Variants in VAV3 observed in about 807,000 individuals in gnomAD.
VAV3 encodes vav guanine nucleotide exchange factor 3, also known as guanine nucleotide exchange factor VAV3.
A neutral mutation model predicts 131.2 loss-of-function variants in VAV3; 94 were observed. The ratio of observed to expected loss-of-function variants is 0.72; its 90% CI spans 0.61 to 0.85. The LOEUF is 0.85. VAV3 is among the 40% of genes least tolerant of loss of function. The probability of loss-of-function intolerance (pLI) is 0.00; values close to 1 mark genes in which losing one functional copy is unlikely to be tolerated. For synonymous variants in VAV3, 349 were observed against 342.0 expected, an observed-to-expected ratio of 1.02 and a Z score of -0.22; for missense variants, 939 against 1,002.7, an observed-to-expected ratio of 0.94 and a Z score of 0.86.
At chr1:107,944,250 T>C (rs1674140428) in intron 1 of VAV3, among the ~76,000 whole-genome samples, 1 of 152,224 alleles carries the variant, frequency 6.6e-6, no homozygotes, top group East Asian at 1.9e-4. Context: ...CCCCATGTGG[T>C]AAGCCTCTCC....
At chr1:107,870,844 C>T (rs1034324324) in intron 2 of VAV3, among the ~76,000 whole-genome samples, 3 of 152,116 alleles carry the variant, frequency 2.0e-5, no homozygotes, top group Admixed American at 6.6e-5. Context: ...GAAAACATAT[C>T]ACTTTACACT....
chr1:107,941,493 C>G (rs1023998893), intron 1 of VAV3, among the ~76,000 whole-genome samples: 1 of 152,166 alleles, frequency 6.6e-6, no homozygotes, highest in African/African-American at 2.4e-5. Context: ...ATTCCAGAAC[C>G]ATTTCCGAGG....
At chr1:107,934,678 ACT>A (rs1320933255) in intron 1 of VAV3, among the ~76,000 whole-genome samples, 3 of 152,198 alleles carry the variant, frequency 2.0e-5, no homozygotes, top group African/African-American at 7.2e-5. Flanking sequence ...CGAAAAGGAA[ACT>A]CTTAGTTCCA....
chr1:107,868,209 G>A (rs772087090), intron 2 of VAV3, among the ~76,000 whole-genome samples: 2 of 152,002 alleles, frequency 1.3e-5, no homozygotes, highest in African/African-American at 4.8e-5. Context: ...AATTTGAGTG[G>A]GAAATACTTC....
At chr1:107,934,629 T>C (rs1673620083) in intron 1 of VAV3, among the ~76,000 whole-genome samples, 1 of 152,194 alleles carries the variant, frequency 6.6e-6, no homozygotes, top group Non-Finnish European at 1.5e-5. Flanking sequence ...CACAGGTAGC[T>C]CTGTTAAAAA....
intron 2 of VAV3, among the ~76,000 whole-genome samples, chr1:107,839,147 T>C (rs149102519): frequency 1.3e-3 from 191 of 152,270 alleles, no homozygotes; most frequent in African/African-American, 4.2e-3. Context: ...AGTAGTCAAA[T>C]GCATAAGTTA....
At chr1:107,608,928 T>C (rs577200249) in intron 22 of VAV3, among the ~76,000 whole-genome samples, 1 of 152,368 alleles carries the variant, frequency 6.6e-6, no homozygotes, top group African/African-American at 2.4e-5. Flanking sequence ...AGATTCAGTC[T>C]TTTTAAGAGA....
intron 15 of VAV3, among the ~76,000 whole-genome samples, chr1:107,736,165 T>C (rs180798470): frequency 4.6e-5 from 7 of 152,314 alleles, no homozygotes; most frequent in African/African-American, 1.7e-4. Flanking sequence ...CAGTCCTTCA[T>C]ACTGAAAACT....
chr1:107,684,116 T>G (rs1658852770), intron 18 of VAV3, among the ~76,000 whole-genome samples: 2 of 152,224 alleles, frequency 1.3e-5, no homozygotes, highest in African/African-American at 4.8e-5. Context: ...AAATGAATTC[T>G]TATTATAGAA....
chr1:107,792,660 C>T (rs1368083331), intron 2 of VAV3, among the ~76,000 whole-genome samples: 1 of 152,200 alleles, frequency 6.6e-6, no homozygotes, highest in South Asian at 2.1e-4. Flanking sequence ...TTACCATGAT[C>T]TCAGTTAATT....
chr1:107,714,557 T>C (rs1228676901), intron 15 of VAV3, among the ~76,000 whole-genome samples: 2 of 152,146 alleles, frequency 1.3e-5, no homozygotes, highest in Non-Finnish European at 2.9e-5. Context: ...TATCTTATAT[T>C]GTGAAATTAA....
chr1:107,728,790 A>T (rs1439198626), intron 15 of VAV3, among the ~76,000 whole-genome samples: 2 of 152,162 alleles, frequency 1.3e-5, no homozygotes, highest in Admixed American at 6.5e-5. Flanking sequence ...TGTTTGCAAG[A>T]CAAGAAACAA....
intron 1 of VAV3, among the ~76,000 whole-genome samples, chr1:107,924,877 G>A (rs1051329663): frequency 6.6e-6 from 1 of 152,184 alleles, no homozygotes; most frequent in South Asian, 2.1e-4. Flanking sequence ...AATACAGCTA[G>A]AGCGACACAG....
At chr1:107,853,122 T>C (rs1185781246) in intron 2 of VAV3, among the ~76,000 whole-genome samples, 2 of 152,218 alleles carry the variant, frequency 1.3e-5, no homozygotes, top group African/African-American at 4.8e-5. Flanking sequence ...AAACTGTTTT[T>C]TGAGCATTCT....
At chr1:107,760,037 T>C (rs1664326527) in intron 10 of VAV3, among the ~76,000 whole-genome samples, 1 of 152,188 alleles carries the variant, frequency 6.6e-6, no homozygotes, top group Non-Finnish European at 1.5e-5. Context: ...AAAATAGAGA[T>C]GACTAATAAT....
intron 1 of VAV3, among the ~76,000 whole-genome samples, chr1:107,911,049 C>T (rs533083416): frequency 5.9e-5 from 9 of 151,964 alleles, no homozygotes; most frequent in African/African-American, 1.9e-4. Flanking sequence ...CTCTATTCAA[C>T]ACCACCAGAC....
intron 3 of VAV3, among the ~76,000 whole-genome samples, chr1:107,778,596 T>C (rs1338056567): frequency 6.6e-6 from 1 of 152,212 alleles, no homozygotes; most frequent in African/African-American, 2.4e-5. Context: ...CTGTGCTTTG[T>C]AGCCAGTGCA....
intron 20 of VAV3, among the ~76,000 whole-genome samples, chr1:107,632,034 A>G (rs1654537439): frequency 6.6e-6 from 1 of 152,138 alleles, no homozygotes; most frequent in Non-Finnish European, 1.5e-5. Flanking sequence ...CTAGTTCTAG[A>G]TCCCTGAGGA....
chr1:107,728,627 ATATGTATATGTATATGTATAT>A (rs1662017982), intron 15 of VAV3, among the ~76,000 whole-genome samples: 1 of 149,050 alleles, frequency 6.7e-6, no homozygotes. Flanking sequence ...ATGTATATGT[ATATGTATATGTATATGTATAT>A]GTATTGTGTA....
Sources: allele counts gnomAD v4.1 joint callset (sites outside exome capture counted in the v4.1 genomes callset), GRCh38; gene constraint gnomAD v4.1.1; transcripts MANE v1.5; gene names NCBI Gene and HGNC (gene_info 2026-07-23, HGNC 2026-07-21).